Variants in GPM6B observed in about 807,000 individuals in gnomAD.
GPM6B encodes the protein neuronal membrane glycoprotein M6-b.
Under a neutral mutation model 27.2 loss-of-function variants are expected in GPM6B, and 4 were observed. The observed-to-expected ratio is 0.15, with a 90% CI of 0.07 to 0.34. The LOEUF is 0.34. GPM6B is among the 10% of genes least tolerant of loss of function. The pLI is 1.00. For synonymous variants in GPM6B, 124 were observed against 103.1 expected (o/e 1.20, Z -1.23); for missense variants, 183 against 261.9 (o/e 0.70, Z 2.08).
At chrX:13,805,783 A>T (rs1333226679) in intron 2 of GPM6B, among the ~76,000 whole-genome samples, 1 of 111,851 alleles carries the variant, frequency 8.9e-6, no homozygotes, top group Non-Finnish European at 1.9e-5. Flanking sequence ...AAAATACAGA[A>T]AAGAATAAGT....
At chrX:13,810,294 T>C in intron 1 of GPM6B, among the ~76,000 whole-genome samples, 1 of 111,981 alleles carries the variant, frequency 8.9e-6, no homozygotes, top group Non-Finnish European at 1.9e-5. Flanking sequence ...TGATTTCCTC[T>C]TGGTAAAGGG....
chrX:13,832,343 G>A (rs1179693701), intron 1 of GPM6B, among the ~76,000 whole-genome samples: 4 of 112,197 alleles, frequency 3.6e-5, no homozygotes, highest in African/African-American at 9.7e-5. Flanking sequence ...TATCCAACAC[G>A]CAGTTAGACA....
At chrX:13,787,857 T>C (rs1334833929) in intron 2 of GPM6B, among the ~76,000 whole-genome samples, 1 of 112,285 alleles carries the variant, frequency 8.9e-6, no homozygotes, top group Non-Finnish European at 1.9e-5. Flanking sequence ...TCTATGATCA[T>C]GTTAAGAAAA....
chrX:13,868,189 T>TTGTG (rs59057250), intron 1 of GPM6B, among the ~76,000 whole-genome samples: 14 of 106,922 alleles, frequency 1.3e-4, no homozygotes, highest in African/African-American at 4.8e-4. Flanking sequence ...GACATTTAAA[T>TTGTG]TGTGTGTGTG....
chrX:13,842,309 G>A (rs984639669), intron 1 of GPM6B, among the ~76,000 whole-genome samples: 19 of 112,201 alleles, frequency 1.7e-4, no homozygotes, highest in Non-Finnish European at 3.0e-4. Flanking sequence ...ATGGATCACA[G>A]AGTACCATCT....
chrX:13,931,334 A>G (rs1485799821), intron 1 of GPM6B, among the ~76,000 whole-genome samples: 10 of 109,853 alleles, frequency 9.1e-5, no homozygotes, highest in Non-Finnish European at 1.3e-4. Flanking sequence ...TAAAAATACA[A>G]AAAATTAGCC....
chrX:13,871,712 TTTG>T (rs1376954429), intron 1 of GPM6B, among the ~76,000 whole-genome samples: 1 of 112,706 alleles, frequency 8.9e-6, no homozygotes, highest in Non-Finnish European at 1.9e-5. Flanking sequence ...CTACTTGTAC[TTTG>T]TTAAGTCAGT....
chrX:13,866,084 C>A (rs148723545), intron 1 of GPM6B, among the ~76,000 whole-genome samples: 1 of 111,716 alleles, frequency 9.0e-6, no homozygotes, highest in African/African-American at 3.3e-5. Flanking sequence ...AGAGGTCAAG[C>A]CGGGCGCAGT....
At chrX:13,848,028 C>A (rs1396259470) in intron 1 of GPM6B, among the ~76,000 whole-genome samples, 1 of 111,987 alleles carries the variant, frequency 8.9e-6, no homozygotes, top group African/African-American at 3.2e-5. Flanking sequence ...GACTGATATA[C>A]TGATACCCCC....
chrX:13,885,805 G>A (rs1178170324), intron 1 of GPM6B, among the ~76,000 whole-genome samples: 2 of 111,675 alleles, frequency 1.8e-5, no homozygotes, highest in East Asian at 2.8e-4. Flanking sequence ...GTCAGTGACC[G>A]CAAGAATGAG....
chrX:13,876,573 G>A (rs1029032488), intron 1 of GPM6B, among the ~76,000 whole-genome samples: 6 of 111,925 alleles, frequency 5.4e-5, no homozygotes, highest in African/African-American at 2.0e-4. Context: ...GGAAATGAGA[G>A]GCCACTGTGC....
At chrX:13,797,091 C>T (rs2048829904) in intron 2 of GPM6B, among the ~76,000 whole-genome samples, 1 of 112,236 alleles carries the variant, frequency 8.9e-6, no homozygotes, top group Admixed American at 9.4e-5. Context: ...TGAGCTTTAG[C>T]AGCAATCAGT....
intron 1 of GPM6B, among the ~76,000 whole-genome samples, chrX:13,827,796 A>G (rs2049393740): frequency 8.9e-6 from 1 of 112,373 alleles, no homozygotes; most frequent in South Asian, 3.7e-4. Context: ...AGCGATAAAG[A>G]TGACGTGACT....
At chrX:13,846,787 C>T (rs951196293) in intron 1 of GPM6B, among the ~76,000 whole-genome samples, 6 of 55,755 alleles carry the variant, frequency 1.1e-4, no homozygotes, top group African/African-American at 4.0e-4. Flanking sequence ...GCCACTGCGC[C>T]AGCTTTTTTT....
At chrX:13,807,260 T>C (rs2049039644) in intron 2 of GPM6B, among the ~76,000 whole-genome samples, 1 of 112,279 alleles carries the variant, frequency 8.9e-6, no homozygotes, top group Non-Finnish European at 1.9e-5. Context: ...CCAAGGCTCC[T>C]TGAAGGCCCT....
At chrX:13,814,969 T>C in intron 1 of GPM6B, among the ~76,000 whole-genome samples, 1 of 112,475 alleles carries the variant, frequency 8.9e-6, no homozygotes, top group East Asian at 2.8e-4. Flanking sequence ...ACAAATTATC[T>C]TTTGCTTCTA....
intron 1 of GPM6B, among the ~76,000 whole-genome samples, chrX:13,828,572 CACAA>C (rs1436339446): frequency 5.4e-5 from 6 of 112,101 alleles, no homozygotes; most frequent in African/African-American, 1.9e-4. Context: ...AAAGTCATCA[CACAA>C]ACAAACTGTG....
At chrX:13,800,017 C>T (rs2048891704) in intron 2 of GPM6B, among the ~76,000 whole-genome samples, 1 of 111,680 alleles carries the variant, frequency 9.0e-6, no homozygotes, top group Non-Finnish European at 1.9e-5. Context: ...TAGAATATGG[C>T]AAAAGTGATG....
intron 1 of GPM6B, among the ~76,000 whole-genome samples, chrX:13,846,473 G>T (rs2049647111): frequency 9.0e-6 from 1 of 110,944 alleles, no homozygotes; most frequent in Non-Finnish European, 1.9e-5. Flanking sequence ...TCTCTCCCTC[G>T]ACCATCTTTT....
Sources: allele counts gnomAD v4.1 joint callset (sites outside exome capture counted in the v4.1 genomes callset), GRCh38; gene constraint gnomAD v4.1.1; transcripts MANE v1.5; gene names NCBI Gene and HGNC (gene_info 2026-07-23, HGNC 2026-07-21).